The following TP63 variants were observed in gnomAD, a reference collection of about 807,000 sequenced individuals.
TP63 encodes tumor protein p63.
A neutral mutation model predicts 82.8 loss-of-function variants in TP63; 17 were observed. The observed-to-expected ratio is 0.21, with a 90% CI of 0.14 to 0.31. The LOEUF (loss-of-function observed/expected upper bound fraction) is 0.31, where lower values mean the gene tolerates loss of function less well. Ranked by LOEUF, TP63 falls within the 10% of genes least tolerant of loss-of-function variation. TP63 has a pLI of 1.00. For missense variants in TP63, 648 were observed against 895.3 expected (o/e 0.72, Z 3.52); for synonymous variants, 330 against 321.7 (o/e 1.03, Z -0.28).
chr3:189,709,579 C>G (rs1243776951), intron 1 of TP63, among the ~76,000 whole-genome samples: 2 of 151,898 alleles, frequency 1.3e-5, no homozygotes, highest in African/African-American at 4.8e-5. Context: ...TTTTTATTTG[C>G]TTTTTTAAAG....
At chr3:189,771,288 TATATATTATATTTATATATATA>T (rs1345782814) in intron 3 of TP63, among the ~76,000 whole-genome samples, 3 of 103,686 alleles carry the variant, frequency 2.9e-5, no homozygotes, top group Non-Finnish European at 5.5e-5. Context: ...TATATATAAA[TATATATTATATTTATATATATA>T]ATATATTATA....
At chr3:189,829,524 G>A (rs1392978048) in intron 4 of TP63, among the ~76,000 whole-genome samples, 3 of 152,144 alleles carry the variant, frequency 2.0e-5, no homozygotes, top group African/African-American at 7.2e-5. Flanking sequence ...AGTTATAACT[G>A]GAAGTATTTG....
At chr3:189,641,331 G>C (rs1711848929) in intron 1 of TP63, among the ~76,000 whole-genome samples, 1 of 151,976 alleles carries the variant, frequency 6.6e-6, no homozygotes, top group East Asian at 1.9e-4. Flanking sequence ...TCGAAGCTCA[G>C]GTAGAAATAT....
intron 6 of TP63, 21 bp downstream of exon 6, chr3:189,866,818 C>G (rs1309298491): frequency 2.5e-6 from 4 of 1,604,330 alleles, no homozygotes; most frequent in Non-Finnish European, 3.4e-6. Context: ...AAAAACCAAA[C>G]CAAAAAACAA....
At chr3:189,694,937 C>G (rs1717250357) in intron 1 of TP63, among the ~76,000 whole-genome samples, 1 of 150,650 alleles carries the variant, frequency 6.6e-6, no homozygotes, top group Non-Finnish European at 1.5e-5. Flanking sequence ...TCCTGAGTAG[C>G]TGGGATTACA....
At chr3:189,636,138 C>T (rs1452484855) in intron 1 of TP63, among the ~76,000 whole-genome samples, 1 of 152,130 alleles carries the variant, frequency 6.6e-6, no homozygotes, top group East Asian at 1.9e-4. Context: ...TTTTCAGTCT[C>T]TAATGAATAA....
At chr3:189,823,987 G>GCT (rs970281281) in intron 4 of TP63, among the ~76,000 whole-genome samples, 7 of 152,040 alleles carry the variant, frequency 4.6e-5, no homozygotes, top group Non-Finnish European at 8.8e-5. Context: ...TTCCTTTCAT[G>GCT]CTCTCTCTCT....
chr3:189,834,736 C>T (rs1364384833), intron 4 of TP63, among the ~76,000 whole-genome samples: 1 of 151,938 alleles, frequency 6.6e-6, no homozygotes, highest in Non-Finnish European at 1.5e-5. Flanking sequence ...CTAGACAGAG[C>T]AAGCACACCC....
At chr3:189,676,361 C>G (rs1370601407) in intron 1 of TP63, among the ~76,000 whole-genome samples, 7 of 152,082 alleles carry the variant, frequency 4.6e-5, no homozygotes, top group Non-Finnish European at 1.0e-4. Context: ...ACTCTCTGTT[C>G]CTATTATTTG....
intron 4 of TP63, among the ~76,000 whole-genome samples, chr3:189,851,117 TA>T (rs1445315346): frequency 6.6e-6 from 1 of 152,386 alleles, no homozygotes; most frequent in African/African-American, 2.4e-5. Context: ...AAGAATTTTT[TA>T]ATCTATTTTT....
rs896340029 is a variant in TP63 at position 189,648,205 on chromosome 3, G to A, written c.62+16628G>A. 1.9e-4 allele frequency among the ~76,000 whole-genome samples: 28 copies of A among 146,904 alleles called. 5 individuals carry two copies. The highest frequency in any genetic ancestry group is 6.6e-4 in the African/African-American group (26 of 39,108). On this transcript the variant is annotated intron_variant, in intron 1 of 13. Transcript: ENST00000264731. Reference sequence around the variant, plus strand: ...TGGTAGTGTGTGTTCGAATGCCATGGCCCCATATTTATTGCAACCTGACCC... The same window carrying A: ...TGGTAGTGTGTGTTCGAATGCCATGACCCCATATTTATTGCAACCTGACCC...
intron 1 of TP63, among the ~76,000 whole-genome samples, chr3:189,708,631 G>A (rs767077998): frequency 2.0e-5 from 3 of 152,118 alleles, no homozygotes. Flanking sequence ...AGGGAAGCAC[G>A]TGCAAGGGTG....
At chr3:189,837,232 T>C (rs1450696625) in intron 4 of TP63, among the ~76,000 whole-genome samples, 1 of 151,864 alleles carries the variant, frequency 6.6e-6, no homozygotes, top group Non-Finnish European at 1.5e-5. Context: ...TCTCTCTCTC[T>C]CCTCTCACTG....
At chr3:189,823,332 C>T (rs1416308326) in intron 4 of TP63, among the ~76,000 whole-genome samples, 1 of 152,180 alleles carries the variant, frequency 6.6e-6, no homozygotes, top group Non-Finnish European at 1.5e-5. Context: ...GGGCAGTGTG[C>T]TGACATTGCA....
intron 4 of TP63, among the ~76,000 whole-genome samples, chr3:189,834,244 T>C (rs908643117): frequency 1.3e-5 from 2 of 152,176 alleles, no homozygotes; most frequent in Admixed American, 6.5e-5. Flanking sequence ...CCTGCCCAGG[T>C]TGGAGTTTGG....
chr3:189,840,570 G>A (rs1394643754), intron 4 of TP63, among the ~76,000 whole-genome samples: 3 of 151,682 alleles, frequency 2.0e-5, no homozygotes, highest in African/African-American at 4.8e-5. Flanking sequence ...TTAAAAAATT[G>A]TTCACGGTGG....
chr3:189,853,913 GT>G (rs1715964599), intron 4 of TP63, among the ~76,000 whole-genome samples: 1 of 152,168 alleles, frequency 6.6e-6, no homozygotes, highest in Admixed American at 6.6e-5. Flanking sequence ...TATTTTGGTT[GT>G]TTTTGCTGTA....
chr3:189,843,149 G>C (rs1195704546), intron 4 of TP63, among the ~76,000 whole-genome samples: 1 of 152,188 alleles, frequency 6.6e-6, no homozygotes. Flanking sequence ...GCTGCCTCTG[G>C]GGCCAGTGCC....
chr3:189,896,295 T>C lies in TP63; in HGVS notation c.*1793T>C, dbSNP rs1721465403. The C allele has an allele frequency of 4.6e-6, 1 of 215,530 alleles. No individual in the cohort carries two copies. Among genetic ancestry groups the C allele is most frequent in the African/African-American group, 2.3e-5 (1 of 44,332 alleles). 13.4% of individuals were successfully genotyped at this position (215,530 alleles called of 1,614,324 possible). A position where few individuals can be genotyped will look rare whatever the true frequency, so the allele number is the denominator to read the frequency against. On this transcript the variant is annotated 3_prime_UTR_variant, in exon 14 of 14. Coordinates refer to ENST00000264731, the MANE Select transcript of TP63 (RefSeq NM_003722.5). ...TACTTTGTATTTTGATTATTTTTTT[T>C]TTCTTCTTGGGATAGTGGGATTTCC... is the stretch of plus-strand genomic sequence containing the variant.
Sources: gnomAD v4.1 joint callset for allele counts (sites outside exome capture counted in the v4.1 genomes callset) on GRCh38, gnomAD v4.1.1 for gene constraint, MANE v1.5 for transcripts, NCBI Gene and HGNC (gene_info 2026-07-23, HGNC 2026-07-21) for gene names.